OSTF1: variants seen among roughly 807,000 people sequenced by gnomAD.
OSTF1 encodes osteoclast-stimulating factor 1.
Under a neutral mutation model 37.2 loss-of-function variants are expected in OSTF1, and 27 were observed. The ratio of observed to expected loss-of-function variants is 0.73; its 90% CI spans 0.54 to 1.00. OSTF1 has a LOEUF of 1.00. Ranked by LOEUF, OSTF1 falls within the 50% of genes least tolerant of loss-of-function variation. The probability of loss-of-function intolerance (pLI) is 0.00; values close to 1 mark genes in which losing one functional copy is unlikely to be tolerated. For missense variants in OSTF1, 232 were observed against 253.8 expected, an observed-to-expected ratio of 0.91 and a Z score of 0.58; for synonymous variants, 82 against 89.2, an observed-to-expected ratio of 0.92 and a Z score of 0.46.
intron 1 of OSTF1, among the ~76,000 whole-genome samples, chr9:75,107,003 C>CTT (rs1825299671): frequency 7.0e-6 from 1 of 142,246 alleles, no homozygotes. Flanking sequence ...AAAAAAAAAG[C>CTT]AGTGGGCTTT....
In OSTF1 at chr9:75,127,683, TA is replaced by T. The variant is rs1244117196; in HGVS notation, c.132+66del. 3 of 859,250 alleles carry T rather than the reference TA, an allele frequency of 3.5e-6. No homozygotes were observed. The African/African-American group carries it at 5.3e-5, about 15-fold the overall frequency. The allele number at this position is 859,250 out of a possible 1,614,324, so 53.2% of individuals were successfully genotyped here. ...ACTGTTTTATGTAGCTATAACATTGTAAGTTATTTAAATATATATGTACATA... is the reference window on the plus strand; with the variant it reads ...ACTGTTTTATGTAGCTATAACATTGTAGTTATTTAAATATATATGTACATA... On this transcript the variant is annotated intron_variant, in intron 3 of 9. Transcript: ENST00000346234.
chr9:75,144,833 A>C (rs1205225872), intron 9 of OSTF1, among the ~76,000 whole-genome samples: 1 of 152,160 alleles, frequency 6.6e-6, no homozygotes, highest in Admixed American at 6.6e-5. Flanking sequence ...TGGTTTATTT[A>C]AGTCAGGATT....
intron 2 of OSTF1, among the ~76,000 whole-genome samples, chr9:75,124,746 C>T (rs1189599723): frequency 6.6e-6 from 1 of 151,976 alleles, no homozygotes; most frequent in Non-Finnish European, 1.5e-5. Context: ...TGTGTGTGTT[C>T]TTTGTTTTTA....
chr9:75,115,883 C>T (rs909637309), intron 1 of OSTF1, among the ~76,000 whole-genome samples: 2 of 151,936 alleles, frequency 1.3e-5, no homozygotes, highest in South Asian at 2.1e-4. Context: ...GCAGGCAGAT[C>T]GCTTGAAGTC....
intron 1 of OSTF1, among the ~76,000 whole-genome samples, chr9:75,104,350 G>A (rs1209910883): frequency 2.0e-5 from 3 of 152,134 alleles, no homozygotes; most frequent in Non-Finnish European, 4.4e-5. Context: ...CTCAAGACCA[G>A]CCTGGGTAAC....
chr9:75,127,484 A>C (rs1363446404), intron 2 of OSTF1, 85 bp from the exon 3 acceptor site: 3 of 724,594 alleles, frequency 4.1e-6, no homozygotes, highest in Admixed American at 5.5e-5. Context: ...ATTGCTTATT[A>C]GAATATGATA....
At chr9:75,137,123 G>C (rs866921972) in intron 7 of OSTF1, among the ~76,000 whole-genome samples, 2 of 152,194 alleles carry the variant, frequency 1.3e-5, no homozygotes, top group Admixed American at 6.5e-5. Flanking sequence ...AAGGGGAAGA[G>C]GTTCTGAGAT....
At chr9:75,129,100 G>A (rs1329303631) in intron 3 of OSTF1, among the ~76,000 whole-genome samples, 1 of 152,088 alleles carries the variant, frequency 6.6e-6, no homozygotes, top group Admixed American at 6.5e-5. Flanking sequence ...GAAAGGACTT[G>A]GGAACGAACT....
intron 1 of OSTF1, among the ~76,000 whole-genome samples, chr9:75,092,800 A>G (rs947699155): frequency 6.6e-6 from 1 of 152,104 alleles, no homozygotes; most frequent in Non-Finnish European, 1.5e-5. Flanking sequence ...TGGTTGGCAT[A>G]TGTTTCCAAA....
chr9:75,145,162 C>CTATCTATCTAT (rs72279666), intron 9 of OSTF1, among the ~76,000 whole-genome samples: 7 of 144,188 alleles, frequency 4.9e-5, no homozygotes, highest in Non-Finnish European at 6.0e-5. Flanking sequence ...TATCTATCTA[C>CTATCTATCTAT]CTATCTATCT....
chr9:75,088,709 C>A lies in OSTF1; in HGVS notation c.17C>A (p.Pro6His), dbSNP rs760252393. ...GGAAGCGAGATGTCGAAGCCGCCAC[C>A]CAAACCAGTCAAACCAGGTGAGGGA... MSKPPPKPVKPGQVKV... is the reference protein window; with the variant it reads MSKPPHKPVKPGQVKV... Residue 6 changes from proline to histidine, a missense_variant, in exon 1 of 10, where the codon CCC (proline) becomes CAC (histidine). Coordinates refer to ENST00000346234, the MANE Select transcript of OSTF1 (RefSeq NM_012383.5). 2 of 1,609,380 alleles carry A rather than the reference C, an allele frequency of 1.2e-6. No homozygotes were observed. Among genetic ancestry groups the A allele is most frequent in the Admixed American group, 1.7e-5 (1 of 59,604 alleles).
At chr9:75,112,206 A>G (rs538272682) in intron 1 of OSTF1, among the ~76,000 whole-genome samples, 2 of 151,966 alleles carry the variant, frequency 1.3e-5, no homozygotes, top group Admixed American at 6.6e-5. Context: ...TACTCTGTAA[A>G]TGTATAGACC....
intron 1 of OSTF1, among the ~76,000 whole-genome samples, chr9:75,105,411 CAAAG>C (rs766808848): frequency 2.9e-4 from 44 of 152,210 alleles, no homozygotes; most frequent in Non-Finnish European, 2.8e-4. Flanking sequence ...CAGCCACAGA[CAAAG>C]AACAAATGAA....
intron 1 of OSTF1, among the ~76,000 whole-genome samples, chr9:75,103,388 T>C (rs892938225): frequency 3.3e-5 from 5 of 152,248 alleles, no homozygotes; most frequent in Non-Finnish European, 5.9e-5. Flanking sequence ...GGGATACTTA[T>C]TCATTGTAGA....
chr9:75,104,325 G>T (rs1282432496), intron 1 of OSTF1, among the ~76,000 whole-genome samples: 1 of 152,136 alleles, frequency 6.6e-6, no homozygotes, highest in Non-Finnish European at 1.5e-5. Flanking sequence ...CAAGAGGATT[G>T]CTTGAAGCTA....
At chr9:75,145,533 C>G (rs905925613) in intron 9 of OSTF1, among the ~76,000 whole-genome samples, 1 of 152,152 alleles carries the variant, frequency 6.6e-6, no homozygotes, top group African/African-American at 2.4e-5. Flanking sequence ...TAAATCACTT[C>G]TTTTTGAGTT....
intron 1 of OSTF1, among the ~76,000 whole-genome samples, chr9:75,103,502 C>T (rs1046994037): frequency 3.3e-5 from 5 of 152,142 alleles, no homozygotes; most frequent in African/African-American, 1.2e-4. Flanking sequence ...TTCTTCTATG[C>T]AGATTTTTGT....
At chr9:75,138,112 G>A (rs537396497) in intron 8 of OSTF1, among the ~76,000 whole-genome samples, 1 of 152,278 alleles carries the variant, frequency 6.6e-6, no homozygotes, top group Admixed American at 6.5e-5. Flanking sequence ...ATAAGTCAGA[G>A]GAAACAGTGA....
At chr9:75,114,368 A>G (rs1230925433) in intron 1 of OSTF1, among the ~76,000 whole-genome samples, 1 of 152,174 alleles carries the variant, frequency 6.6e-6, no homozygotes, top group Non-Finnish European at 1.5e-5. Flanking sequence ...AACCTGCAAC[A>G]TGAGGGAAAT....
Sources: allele counts gnomAD v4.1 joint callset (sites outside exome capture counted in the v4.1 genomes callset), GRCh38; gene constraint gnomAD v4.1.1; transcripts MANE v1.5; gene names NCBI Gene and HGNC (gene_info 2026-07-23, HGNC 2026-07-21).